Variants in TESMIN observed in about 807,000 individuals in gnomAD.
The protein encoded by TESMIN is testis expressed metallothionein like protein.
Under a neutral mutation model 47.4 loss-of-function variants are expected in TESMIN, and 34 were observed. The ratio of observed to expected loss-of-function variants is 0.72; its 90% CI spans 0.55 to 0.96. The LOEUF (loss-of-function observed/expected upper bound fraction) is 0.96, where lower values mean the gene tolerates loss of function less well. Among genes scored for constraint, TESMIN ranks in the 40% least tolerant of loss-of-function variants. The pLI is 0.00. For missense variants in TESMIN, 610 were observed against 637.2 expected (o/e 0.96, Z 0.46); for synonymous variants, 278 against 258.9 (o/e 1.07, Z -0.71).
chr11:68,733,236 T>G (rs1454392011), intron 6 of TESMIN, among the ~76,000 whole-genome samples: 1 of 152,198 alleles, frequency 6.6e-6, no homozygotes, highest in African/African-American at 2.4e-5. Flanking sequence ...ACCTCCTGGC[T>G]GGGGGAGAAC....
At chr11:68,748,881 G>T (rs1946554606) in intron 2 of TESMIN, among the ~76,000 whole-genome samples, 1 of 152,174 alleles carries the variant, frequency 6.6e-6, no homozygotes, top group African/African-American at 2.4e-5. Context: ...TGTCGCTCAG[G>T]CTGGAGTGCA....
At chr11:68,709,864 T>C (rs1442295064) in intron 9 of TESMIN, among the ~76,000 whole-genome samples, 2 of 152,234 alleles carry the variant, frequency 1.3e-5, no homozygotes, top group African/African-American at 4.8e-5. Flanking sequence ...GGTAAATTTT[T>C]ACTGATAAAG....
In TESMIN at chr11:68,710,832, C is replaced by T. The variant is rs541851598; in HGVS notation, c.1334+42G>A. The T allele has an allele frequency of 3.9e-6, 6 of 1,536,776 alleles. No individual in the cohort carries two copies. In the African/African-American group the frequency reaches 6.9e-5, roughly 18 times the overall value. ...TCGTTAATTCTCCTCTCAAATTAAC[C>T]TCTGTTCCCTCTATTAGCAGAGGTT... On this transcript the variant is annotated intron_variant, in intron 9 of 9. Transcript: ENST00000255087.
intron 4 of TESMIN, among the ~76,000 whole-genome samples, chr11:68,743,984 G>C (rs1228307209): frequency 1.3e-5 from 2 of 152,184 alleles, no homozygotes; most frequent in Admixed American, 1.3e-4. Flanking sequence ...GGAGGAAGGG[G>C]AGCAGGAAAG....
Position 68,708,027 on chromosome 11 carries a change from C to T in TESMIN, c.*281G>A, listed in dbSNP as rs941971116. Reference sequence around the variant, plus strand: ...AGGGCCTGCTGTGCCCTCCCCTGCCCTGCTCTGCCCTCCGCCGCCCTGCAG... The same window carrying T: ...AGGGCCTGCTGTGCCCTCCCCTGCCTTGCTCTGCCCTCCGCCGCCCTGCAG... On this transcript the variant is annotated 3_prime_UTR_variant, in exon 10 of 10. Coordinates refer to ENST00000255087, the MANE Select transcript of TESMIN (RefSeq NM_004923.3). The T allele has an allele frequency of 8.7e-6, 4 of 459,042 alleles. No individual in the cohort carries two copies. The highest frequency in any genetic ancestry group is 1.6e-5 in the Non-Finnish European group (4 of 246,094). 28.4% of individuals were successfully genotyped at this position (459,042 alleles called of 1,614,324 possible).
At chr11:68,735,630 T>C (rs954016407) in intron 6 of TESMIN, among the ~76,000 whole-genome samples, 4 of 152,126 alleles carry the variant, frequency 2.6e-5, no homozygotes, top group Admixed American at 1.3e-4. Flanking sequence ...AAGAGAATAA[T>C]CAACCAGCAC....
Position 68,709,169 on chromosome 11 carries a change from T to C in TESMIN, c.1335-669A>G, listed in dbSNP as rs188278997. Reference sequence around the variant, plus strand: ...CTGTCCGTTTTTGACATGCCTCTCATGGCGGGTTTGAAATTTCCTCAAAAT... The same window carrying C: ...CTGTCCGTTTTTGACATGCCTCTCACGGCGGGTTTGAAATTTCCTCAAAAT... On this transcript the variant is annotated intron_variant, in intron 9 of 9. Coordinates refer to ENST00000255087, the MANE Select transcript of TESMIN (RefSeq NM_004923.3). Among the ~76,000 whole-genome samples the C allele has an allele frequency of 1.5e-3, 235 of 152,188 alleles. 1 individual carries two copies. Among genetic ancestry groups the C allele is most frequent in the African/African-American group, 5.5e-3 (230 of 41,518 alleles).
intron 7 of TESMIN, 125 bp from the exon 8 acceptor site, chr11:68,713,532 G>T: frequency 9.6e-7 from 1 of 1,042,964 alleles, no homozygotes; most frequent in Non-Finnish European, 1.4e-6. Context: ...CTCTTGACAT[G>T]GTTCAGAAGG....
At chr11:68,715,224 A>G (rs1187802083) in intron 7 of TESMIN, among the ~76,000 whole-genome samples, 1 of 152,196 alleles carries the variant, frequency 6.6e-6, no homozygotes, top group Non-Finnish European at 1.5e-5. Flanking sequence ...CCTTGAGCCT[A>G]ACTGTCCCTC....
At chr11:68,723,599 C>T (rs1278813526) in intron 6 of TESMIN, among the ~76,000 whole-genome samples, 1 of 151,642 alleles carries the variant, frequency 6.6e-6, no homozygotes, top group Non-Finnish European at 1.5e-5. Context: ...TGAACCACAA[C>T]CAAGAAAATC....
chr11:68,750,526 C>T lies in TESMIN; in HGVS notation c.135G>A (p.Glu45=). 2 of 1,604,666 alleles carry T rather than the reference C, an allele frequency of 1.2e-6. No individual in the cohort carries two copies. Among genetic ancestry groups the T allele is most frequent in the Non-Finnish European group, 1.7e-6 (2 of 1,176,270 alleles). ...GGTACGCTTCTTTGAAGACGTGGAA[C>T]TCGTCCTCCTCGTACTTCACGGGGG... The part of the protein sequence containing the change: ...LKAPVKYEED[E]FHVFKEAYLG... The change falls in exon 2 of 10, where the codon GAG becomes GAA. Residue 45 remains glutamate (E), a synonymous_variant. Coordinates refer to ENST00000255087, the MANE Select transcript of TESMIN (RefSeq NM_004923.3).
chr11:68,750,622 G>T lies in TESMIN; in HGVS notation c.39C>A (p.Pro13=). 6.3e-7 allele frequency: 1 copy of T among 1,583,402 alleles called. No homozygotes were observed. Among genetic ancestry groups the T allele is most frequent in the Non-Finnish European group, 8.6e-7 (1 of 1,163,302 alleles). Reference sequence around the variant, plus strand: ...AGAGCTCCGTCACCATCGCATCCTCGGGGCTGGGCAGCCCGCCCGGCAGAG... The same window carrying T: ...AGAGCTCCGTCACCATCGCATCCTCTGGGCTGGGCAGCCCGCCCGGCAGAG... ...EGPLPGGLPS[P]EDAMVTELLS... Residue 13 remains proline, a synonymous_variant, in exon 2 of 10, where the codon CCC becomes CCA. Transcript: ENST00000255087.
At chr11:68,717,515 C>A (rs10791991) in intron 6 of TESMIN, among the ~76,000 whole-genome samples, 91,049 of 152,050 alleles carry the variant, frequency 0.6, 28,822 homozygotes, top group East Asian at 0.78. Flanking sequence ...CTCTCCTGAA[C>A]CTGCAAGCCA....
intron 6 of TESMIN, among the ~76,000 whole-genome samples, chr11:68,719,197 C>T (rs1946176486): frequency 6.6e-6 from 1 of 152,192 alleles, no homozygotes; most frequent in African/African-American, 2.4e-5. Context: ...GACAGTGCCC[C>T]CACTTCTGGG....
chr11:68,711,318 T>G (rs866975001), intron 8 of TESMIN, among the ~76,000 whole-genome samples: 6 of 148,172 alleles, frequency 4.0e-5, no homozygotes, highest in Non-Finnish European at 5.9e-5. Flanking sequence ...GTGTGTGGGG[T>G]GTGTGTGTGT....
In TESMIN at chr11:68,724,484, G is replaced by T. The variant is rs147482161; in HGVS notation, c.918-8545C>A. Reference sequence around the variant, plus strand: ...GGCAGCAATTGTAGTGGAGCATATGGTTGGCTCACCTCAAGAGTGCATTTC... The same window carrying T: ...GGCAGCAATTGTAGTGGAGCATATGTTTGGCTCACCTCAAGAGTGCATTTC... On this transcript the variant is annotated intron_variant, in intron 6 of 9. Transcript: ENST00000255087. 7.6e-3 allele frequency among the ~76,000 whole-genome samples: 1,162 copies of T among 152,300 alleles called. 12 individuals are homozygous for T. The highest frequency in any genetic ancestry group is 0.023 in the African/African-American group (964 of 41,552).
intron 6 of TESMIN, among the ~76,000 whole-genome samples, chr11:68,735,265 C>T (rs767490506): frequency 1.3e-5 from 2 of 152,178 alleles, no homozygotes; most frequent in Non-Finnish European, 2.9e-5. Flanking sequence ...TACTTCACTG[C>T]TCTTGCCCTC....
chr11:68,716,550 C>T (rs1946141757), intron 6 of TESMIN, among the ~76,000 whole-genome samples: 1 of 152,212 alleles, frequency 6.6e-6, no homozygotes, highest in Non-Finnish European at 1.5e-5. Context: ...TAGTGAGGCC[C>T]TTGGAGTGGA....
At chr11:68,709,090 A>AAAG (rs1425048431) in intron 9 of TESMIN, among the ~76,000 whole-genome samples, 2 of 16,298 alleles carry the variant, frequency 1.2e-4, no homozygotes, top group Non-Finnish European at 3.5e-4. Flanking sequence ...AAAGAAAAGA[A>AAAG]AAGAAAGAAA....
Sources: allele counts gnomAD v4.1 joint callset (sites outside exome capture counted in the v4.1 genomes callset), GRCh38; gene constraint gnomAD v4.1.1; transcripts MANE v1.5; gene names NCBI Gene and HGNC (gene_info 2026-07-23, HGNC 2026-07-21).